ZBTB2: variants seen among roughly 807,000 people sequenced by gnomAD.
ZBTB2 encodes the protein zinc finger and BTB domain containing 2, also known as zinc finger and BTB domain-containing protein 2.
A neutral mutation model predicts 39.5 loss-of-function variants in ZBTB2; 2 were observed. The ratio of observed to expected loss-of-function variants is 0.05; its 90% CI spans 0.02 to 0.16. ZBTB2 has a LOEUF of 0.16. Among genes scored for constraint, ZBTB2 ranks in the 10% least tolerant of loss-of-function variants. The probability of loss-of-function intolerance (pLI) is 1.00; values close to 1 mark genes in which losing one functional copy is unlikely to be tolerated. For missense variants in ZBTB2, 391 were observed against 653.0 expected, an observed-to-expected ratio of 0.60 and a Z score of 4.37; for synonymous variants, 251 against 256.6, an observed-to-expected ratio of 0.98 and a Z score of 0.21.
chr6:151,365,604 T>C lies in ZBTB2; in HGVS notation c.1462A>G (p.Ser488Gly). ...LDEGRSILLG[S>G]GDSEVTEPDH... ...GGCTCCGTTACTTCCGAGTCCCCAC[T>C]GCCCAGGAGAATGGATCGCCCTTCG... Residue 488 changes from serine (S) to glycine (G), a missense_variant, in exon 3 of 3, where the codon AGT becomes GGT. This residue lies in a region of ZBTB2 where 49 missense variants were observed against 55.6 expected (regional missense o/e 0.88). Coordinates refer to ENST00000325144, the MANE Select transcript of ZBTB2 (RefSeq NM_020861.3). This position sits in a 1 kb window ranked among gnomAD's most constrained non-coding sequence, Gnocchi z 5.6. 1 of 1,614,248 alleles carries C rather than the reference T, an allele frequency of 6.2e-7. No homozygotes were observed. The highest frequency in any genetic ancestry group is 8.5e-7 in the Non-Finnish European group (1 of 1,180,040).
At chr6:151,388,542 CTTTTT>C (rs1163914227) in intron 1 of ZBTB2, among the ~76,000 whole-genome samples, 2 of 152,088 alleles carry the variant, frequency 1.3e-5, no homozygotes, top group Non-Finnish European at 2.9e-5. Flanking sequence ...ATTTTCTTTT[CTTTTT>C]TAATAGAGAT....
intron 1 of ZBTB2, among the ~76,000 whole-genome samples, chr6:151,388,911 A>G (rs534566359): frequency 6.6e-6 from 1 of 152,322 alleles, no homozygotes; most frequent in Admixed American, 6.5e-5. Flanking sequence ...CTGGGACTGT[A>G]GGACAAAGTT....
At chr6:151,388,225 C>T (rs1161325089) in intron 1 of ZBTB2, among the ~76,000 whole-genome samples, 1 of 152,050 alleles carries the variant, frequency 6.6e-6, no homozygotes, top group African/African-American at 2.4e-5. Context: ...ACCAGCAAAC[C>T]AGTTCTTTCA....
chr6:151,370,318 T>C (rs1778760663), intron 2 of ZBTB2, among the ~76,000 whole-genome samples: 2 of 152,154 alleles, frequency 1.3e-5, no homozygotes, highest in African/African-American at 4.8e-5. Flanking sequence ...CTATTTTTAG[T>C]AGAGATGGGG....
chr6:151,368,914 C>T (rs1778716174), intron 2 of ZBTB2, among the ~76,000 whole-genome samples: 1 of 151,738 alleles, frequency 6.6e-6, no homozygotes, highest in African/African-American at 2.4e-5. Flanking sequence ...TGCCCGCCAC[C>T]AGGCCCAGCT....
At chr6:151,379,494 T>C (rs1318526727) in intron 1 of ZBTB2, among the ~76,000 whole-genome samples, 1 of 151,736 alleles carries the variant, frequency 6.6e-6, no homozygotes, top group African/African-American at 2.4e-5. Context: ...ATTTAAAAAA[T>C]AGCCAGGGAT....
intron 1 of ZBTB2, among the ~76,000 whole-genome samples, chr6:151,383,452 T>C (rs1353960404): frequency 2.0e-5 from 3 of 152,210 alleles, no homozygotes; most frequent in Non-Finnish European, 4.4e-5. Context: ...TTTATTTGAA[T>C]ATATTGATAA....
intron 2 of ZBTB2, among the ~76,000 whole-genome samples, chr6:151,370,863 T>C (rs1778774598): frequency 6.6e-6 from 1 of 152,238 alleles, no homozygotes; most frequent in Non-Finnish European, 1.5e-5. Flanking sequence ...CCACTAGGCA[T>C]GTGTCACCTC....
At chr6:151,384,463 C>T (rs1173011873) in intron 1 of ZBTB2, among the ~76,000 whole-genome samples, 1 of 152,034 alleles carries the variant, frequency 6.6e-6, no homozygotes, top group Admixed American at 6.5e-5. Context: ...CCAGGTGGTA[C>T]TGAGAAAGAT....
intron 1 of ZBTB2, among the ~76,000 whole-genome samples, chr6:151,378,501 G>C (rs528876779): frequency 3.9e-5 from 6 of 152,312 alleles, no homozygotes; most frequent in Admixed American, 3.3e-4. Flanking sequence ...GAACTGCTGG[G>C]TTGCAAAAGT....
intron 2 of ZBTB2, among the ~76,000 whole-genome samples, chr6:151,370,971 G>A (rs1778776610): frequency 6.6e-6 from 1 of 152,182 alleles, no homozygotes; most frequent in Non-Finnish European, 1.5e-5. Flanking sequence ...ATACTTAAAG[G>A]TGGGTTTCTT....
intron 1 of ZBTB2, among the ~76,000 whole-genome samples, chr6:151,386,513 G>C (rs551413307): frequency 6.6e-6 from 1 of 152,276 alleles, no homozygotes; most frequent in South Asian, 2.1e-4. Flanking sequence ...TAGCCTGCAT[G>C]AAAGAGTGAG....
chr6:151,381,754 G>A (rs1033400182), intron 1 of ZBTB2, among the ~76,000 whole-genome samples: 3 of 152,074 alleles, frequency 2.0e-5, no homozygotes, highest in Non-Finnish European at 4.4e-5. Context: ...CTAAACTAGG[G>A]TCCAACAGAG....
intron 1 of ZBTB2, among the ~76,000 whole-genome samples, chr6:151,389,145 G>C (rs1030016917): frequency 2.0e-5 from 3 of 152,262 alleles, no homozygotes; most frequent in Admixed American, 2.0e-4. Context: ...TTCTTGTCCA[G>C]GAGCGGTGGC....
In ZBTB2 at chr6:151,366,183, G is replaced by C; in HGVS notation, c.883C>G (p.Leu295Val). Residue 295 changes from leucine to valine, a missense_variant, in exon 3 of 3, where the codon CTC becomes GTC. Coordinates refer to ENST00000325144, the MANE Select transcript of ZBTB2 (RefSeq NM_020861.3). This position sits in a 1 kb window ranked among gnomAD's most constrained non-coding sequence, Gnocchi z 7.1. ...CCGAGGTCAGCTGCATTGCTACAGA[G>C]AGTCAGGGGGACGCGACTTTCTCCC... ...QQGESRVPLTLCSNAADLGKD... is the reference protein window; with the variant it reads ...QQGESRVPLTVCSNAADLGKD... 1 of 1,614,174 alleles carries C rather than the reference G, an allele frequency of 6.2e-7. No individual in the cohort carries two copies. The highest frequency in any genetic ancestry group is 8.5e-7 in the Non-Finnish European group (1 of 1,180,036).
chr6:151,385,882 C>A (rs866577922), intron 1 of ZBTB2, among the ~76,000 whole-genome samples: 1 of 152,274 alleles, frequency 6.6e-6, no homozygotes, highest in African/African-American at 2.4e-5. Context: ...GTAGAAAATG[C>A]ATCTTATTTA....
chr6:151,366,535 G>T lies in ZBTB2; in HGVS notation c.531C>A (p.Leu177=). 6.2e-7 allele frequency: 1 copy of T among 1,614,140 alleles called. No homozygotes were observed. The highest frequency in any genetic ancestry group is 1.1e-5 in the South Asian group (1 of 91,074). Residue 177 remains leucine (L), a synonymous_variant, in exon 3 of 3, where the codon CTC becomes CTA. Transcript: ENST00000325144. The surrounding 1 kb of genome is among the most constrained non-coding windows in gnomAD (Gnocchi z 7.1). ...SQEQVPEASQ[L]SQLTSNLAQV... ...GGGCCAGATTTGAAGTCAGCTGGGA[G>T]AGCTGTGAGGCCTCAGGGACCTGCT...
intron 1 of ZBTB2, among the ~76,000 whole-genome samples, chr6:151,389,900 G>A (rs983872364): frequency 2.6e-5 from 4 of 152,118 alleles, no homozygotes; most frequent in Non-Finnish European, 4.4e-5. Context: ...TTCCTTTGCA[G>A]CTTCTGGCTA....
intron 2 of ZBTB2, among the ~76,000 whole-genome samples, chr6:151,368,239 C>T (rs749428199): frequency 8.6e-5 from 13 of 152,024 alleles, no homozygotes; most frequent in East Asian, 3.9e-4. Flanking sequence ...CTCCGCCTCC[C>T]GGGTTCACAC....
Sources: allele counts gnomAD v4.1 joint callset (sites outside exome capture counted in the v4.1 genomes callset), GRCh38; gene constraint gnomAD v4.1.1; regional missense constraint gnomAD v4.1.1; non-coding constraint Gnocchi (gnomAD v3.1); transcripts MANE v1.5; gene names NCBI Gene and HGNC (gene_info 2026-07-23, HGNC 2026-07-21).